The following ALG6 variants were observed in gnomAD, a reference collection of about 807,000 sequenced individuals.
The protein encoded by ALG6 is dolichyl pyrophosphate Man9GlcNAc2 alpha-1,3-glucosyltransferase.
A neutral mutation model predicts 66.6 loss-of-function variants in ALG6; 46 were observed. The observed-to-expected ratio is 0.69, with a 90% CI of 0.55 to 0.88. ALG6 has a LOEUF of 0.88. ALG6 is among the 40% of genes least tolerant of loss of function. The probability of loss-of-function intolerance (pLI) is 0.00; values close to 1 mark genes in which losing one functional copy is unlikely to be tolerated. For synonymous variants in ALG6, 185 were observed against 203.7 expected (o/e 0.91, Z 0.78); for missense variants, 505 against 586.8 (o/e 0.86, Z 1.44).
chr1:63,379,520 C>T lies in ALG6; in HGVS notation c.82+8461C>T, dbSNP rs377188774. ...CCTTGAATTCCTACCTGTTCAGGTC[C>T]CAGGCTTTGCCTCCTTACTGACTGC... is the stretch of plus-strand genomic sequence containing the variant. On this transcript the variant is annotated intron_variant, in intron 2 of 14. Coordinates refer to ENST00000263440, the MANE Select transcript of ALG6 (RefSeq NM_013339.4). Among the ~76,000 whole-genome samples the T allele has an allele frequency of 6.0e-4, 91 of 152,116 alleles. 4 individuals carry two copies. In the East Asian group the frequency reaches 8.3e-3, roughly 14 times the overall value.
chr1:63,411,053 C>T, intron 7 of ALG6, 93 bp from the exon 8 acceptor site: 2 of 1,235,608 alleles, frequency 1.6e-6, no homozygotes, highest in South Asian at 2.7e-5. Context: ...TATGAGCTTG[C>T]ATTTCCTAGA....
At chr1:63,414,469 C>T (rs1644532239) in intron 10 of ALG6, among the ~76,000 whole-genome samples, 2 of 151,982 alleles carry the variant, frequency 1.3e-5, no homozygotes, top group South Asian at 2.1e-4. Context: ...AGGCTGGTCT[C>T]GAACTCCTGA....
chr1:63,389,121 T>C (rs575544885), intron 2 of ALG6, among the ~76,000 whole-genome samples: 5 of 152,166 alleles, frequency 3.3e-5, no homozygotes, highest in Non-Finnish European at 5.9e-5. Flanking sequence ...TTCTCTAGGT[T>C]TGGAATGTTC....
intron 12 of ALG6, among the ~76,000 whole-genome samples, chr1:63,424,713 T>G (rs903011509): frequency 6.6e-6 from 1 of 151,984 alleles, no homozygotes; most frequent in Admixed American, 6.6e-5. Context: ...ACCCTCATTT[T>G]CCTTCTAAGA....
Position 63,402,329 on chromosome 1 carries a change from C to T in ALG6, c.243C>T (p.Leu81=). The T allele has an allele frequency of 1.2e-6, 2 of 1,608,774 alleles. No individual in the cohort carries two copies. The highest frequency in any genetic ancestry group is 1.7e-6 in the Non-Finnish European group (2 of 1,175,504). The change falls in exon 4 of 15, where the codon CTC becomes CTT. Residue 81 remains leucine (L), a synonymous_variant. Transcript: ENST00000263440. Reference sequence around the variant, plus strand: ...CACCTCTTACAGCTTATCATAGTCTCCTATGTGCATATGTGTAAGTTTTTC... The same window carrying T: ...CACCTCTTACAGCTTATCATAGTCTTCTATGTGCATATGTGTAAGTTTTTC... ...DYPPLTAYHS[L]LCAYVAKFIN...
intron 7 of ALG6, among the ~76,000 whole-genome samples, chr1:63,407,360 T>C (rs1309162664): frequency 1.3e-5 from 2 of 152,146 alleles, no homozygotes; most frequent in African/African-American, 4.8e-5. Context: ...AAAATGTTGG[T>C]AAATGATTAG....
In ALG6 at chr1:63,371,013, A is replaced by C. The variant is rs151277583; in HGVS notation, c.36A>C (p.Leu12Phe). The stretch of plus-strand genomic sequence containing the variant: ...GGTACTTGATGACAGTAGTGGTTTT[A>C]ATAGGACTAACAGTACGATGGACAG... ...EKWYLMTVVV[L>F]IGLTVRWTVS... is the part of the protein sequence containing the mutation. The change falls in exon 2 of 15, where the codon TTA becomes TTC. Residue 12 changes from leucine to phenylalanine, a missense_variant. Transcript: ENST00000263440. The C allele has an allele frequency of 2.7e-5, 43 of 1,610,684 alleles. No individual in the cohort carries two copies. Among genetic ancestry groups the C allele is most frequent in the Non-Finnish European group, 3.3e-5 (39 of 1,177,078 alleles).
chr1:63,398,955 G>T (rs1443010222), intron 3 of ALG6, among the ~76,000 whole-genome samples: 1 of 152,132 alleles, frequency 6.6e-6, no homozygotes, highest in Non-Finnish European at 1.5e-5. Flanking sequence ...AGTTTCTTTA[G>T]ATCAGGAGTT....
At chr1:63,422,193 ATATCTATATG>A (rs1644579910) in intron 12 of ALG6, among the ~76,000 whole-genome samples, 1 of 127,422 alleles carries the variant, frequency 7.8e-6, no homozygotes, top group African/African-American at 2.9e-5. Context: ...ATATAAATAT[ATATCTATATG>A]AATATAAATA....
At chr1:63,435,263 C>T (rs767036717) in intron 14 of ALG6, among the ~76,000 whole-genome samples, 1 of 152,078 alleles carries the variant, frequency 6.6e-6, no homozygotes, top group South Asian at 2.1e-4. Context: ...GACTCAAGAT[C>T]GTGGTATTAT....
intron 12 of ALG6, among the ~76,000 whole-genome samples, chr1:63,427,206 G>T (rs1187011756): frequency 1.3e-5 from 2 of 150,158 alleles, no homozygotes; most frequent in Non-Finnish European, 3.0e-5. Flanking sequence ...GTAGAGACGG[G>T]GTTTCACCAT....
chr1:63,384,489 C>T (rs577955461), intron 2 of ALG6, among the ~76,000 whole-genome samples: 8 of 152,156 alleles, frequency 5.3e-5, no homozygotes, highest in Admixed American at 3.3e-4. Flanking sequence ...AGCTTTTAAA[C>T]TTCATGGATC....
intron 3 of ALG6, among the ~76,000 whole-genome samples, chr1:63,402,000 C>CT (rs1402672086): frequency 6.6e-6 from 1 of 152,038 alleles, no homozygotes; most frequent in Non-Finnish European, 1.5e-5. Flanking sequence ...CAATCCTATT[C>CT]TTTTTGTTGC....
chr1:63,381,165 C>G (rs1344462782), intron 2 of ALG6, among the ~76,000 whole-genome samples: 2 of 151,278 alleles, frequency 1.3e-5, no homozygotes, highest in Admixed American at 1.3e-4. Context: ...ATAAAAAATA[C>G]AAAAATTGGC....
At chr1:63,367,964 G>T (rs970458517) in intron 1 of ALG6, among the ~76,000 whole-genome samples, 1 of 152,184 alleles carries the variant, frequency 6.6e-6, no homozygotes, top group African/African-American at 2.4e-5. Flanking sequence ...GAGGAGGGGC[G>T]GAGAAACGCG....
chr1:63,390,520 G>C (rs1648638220), intron 2 of ALG6, among the ~76,000 whole-genome samples: 1 of 152,120 alleles, frequency 6.6e-6, no homozygotes, highest in Non-Finnish European at 1.5e-5. Flanking sequence ...TGTCTTACTA[G>C]GTCATGTGCA....
chr1:63,426,701 G>A (rs1159743465), intron 12 of ALG6, among the ~76,000 whole-genome samples: 1 of 152,006 alleles, frequency 6.6e-6, no homozygotes, highest in Non-Finnish European at 1.5e-5. Flanking sequence ...GCGTCACCAT[G>A]CCAGGCTAAT....
chr1:63,388,272 C>T (rs1648566454), intron 2 of ALG6, among the ~76,000 whole-genome samples: 1 of 151,646 alleles, frequency 6.6e-6, no homozygotes, highest in African/African-American at 2.4e-5. Context: ...CTCAGGTTGT[C>T]CTTTCACCTC....
chr1:63,406,751 T>C (rs1245193555), intron 6 of ALG6, among the ~76,000 whole-genome samples: 2 of 152,100 alleles, frequency 1.3e-5, no homozygotes, highest in Non-Finnish European at 2.9e-5. Context: ...TTATCAAATA[T>C]TATTTTTGGT....
Sources: allele counts gnomAD v4.1 joint callset (sites outside exome capture counted in the v4.1 genomes callset), GRCh38; gene constraint gnomAD v4.1.1; transcripts MANE v1.5; gene names NCBI Gene and HGNC (gene_info 2026-07-23, HGNC 2026-07-21).